Variants in SLAIN2 observed in about 807,000 individuals in gnomAD.
The protein encoded by SLAIN2 is SLAIN motif-containing protein 2.
In SLAIN2, 31 loss-of-function variants were observed where a neutral mutation model predicts 56.6. The ratio of observed to expected loss-of-function variants is 0.55; its 90% CI spans 0.41 to 0.74. The LOEUF (loss-of-function observed/expected upper bound fraction) is 0.74, where lower values mean the gene tolerates loss of function less well. Ranked by LOEUF, SLAIN2 falls within the 30% of genes least tolerant of loss-of-function variation. The pLI, the probability that SLAIN2 is intolerant of heterozygous loss-of-function variation, is 0.00. For missense variants in SLAIN2, 777 were observed against 754.2 expected (o/e 1.03, Z -0.35); for synonymous variants, 317 against 284.9 (o/e 1.11, Z -1.13).
chr4:48,376,901 G>A (rs1577721283), intron 2 of SLAIN2, among the ~76,000 whole-genome samples: 1 of 140,438 alleles, frequency 7.1e-6, no homozygotes, highest in African/African-American at 2.6e-5. Context: ...GTGAGCCACC[G>A]CGCCCGGCCG....
At chr4:48,377,216 T>G (rs1297410040) in intron 2 of SLAIN2, among the ~76,000 whole-genome samples, 2 of 151,766 alleles carry the variant, frequency 1.3e-5, no homozygotes, top group Non-Finnish European at 2.9e-5. Context: ...CGAGTCTCAC[T>G]CTGTCGCCCA....
At chr4:48,412,640 A>G (rs567948610) in intron 6 of SLAIN2, among the ~76,000 whole-genome samples, 40 of 152,294 alleles carry the variant, frequency 2.6e-4, no homozygotes, top group African/African-American at 9.6e-4. Context: ...GCATTCATAT[A>G]TATCTTTTTG....
chr4:48,382,238 A>ACT (rs1320982790), intron 4 of SLAIN2, among the ~76,000 whole-genome samples: 54 of 152,236 alleles, frequency 3.5e-4, no homozygotes, highest in East Asian at 1.7e-3. Flanking sequence ...CTTTAATATT[A>ACT]GTCTCAAATT....
chr4:48,358,728 AT>A (rs71191213), intron 1 of SLAIN2, among the ~76,000 whole-genome samples: 4 of 148,278 alleles, frequency 2.7e-5, no homozygotes, highest in Non-Finnish European at 6.0e-5. Flanking sequence ...ATTTATTTTT[AT>A]TTTTTTTTGA....
intron 1 of SLAIN2, among the ~76,000 whole-genome samples, chr4:48,361,855 G>A (rs190334453): frequency 6.6e-6 from 1 of 152,194 alleles, no homozygotes; most frequent in East Asian, 1.9e-4. Context: ...GCAGTGTTTT[G>A]TAGTTTGCAG....
intron 4 of SLAIN2, among the ~76,000 whole-genome samples, chr4:48,382,046 C>A (rs1303363679): frequency 6.6e-6 from 1 of 152,164 alleles, no homozygotes; most frequent in Admixed American, 6.5e-5. Flanking sequence ...GGTAGTGAAG[C>A]AATCAAGATT....
In SLAIN2 at chr4:48,349,129, ACTTCCT is replaced by A. The variant is rs1407976905; in HGVS notation, c.389+7006_389+7011del. On this transcript the variant is annotated intron_variant, in intron 1 of 7. Coordinates refer to ENST00000264313, the MANE Select transcript of SLAIN2 (RefSeq NM_020846.2). ...TTCTCCTGAATTTTTAACTTGGTTT[ACTTCCT>A]CTTCATTGTTAACCTATCACTGTTT... 6.6e-5 allele frequency among the ~76,000 whole-genome samples: 10 copies of A among 152,288 alleles called. No homozygotes were observed. In the South Asian group the frequency reaches 1.9e-3, roughly 28 times the overall value.
chr4:48,363,473 C>T lies in SLAIN2; in HGVS notation c.390-6376C>T, dbSNP rs1257457681. 9.0e-5 allele frequency among the ~76,000 whole-genome samples: 5 copies of T among 55,412 alleles called. 1 individual carries two copies. Among genetic ancestry groups the T allele is most frequent in the Admixed American group, 4.7e-4 (3 of 6,398 alleles). 36.4% of individuals were successfully genotyped at this position (55,412 alleles called of 152,430 possible). ...ACCCCCACCTACCTCCCGGACGGGGCGGCTGGCCGGACAGAGGGGCTCCTC... is the reference window on the plus strand; with the variant it reads ...ACCCCCACCTACCTCCCGGACGGGGTGGCTGGCCGGACAGAGGGGCTCCTC... On this transcript the variant is annotated intron_variant, in intron 1 of 7. Transcript: ENST00000264313.
At chr4:48,392,902 A>G (rs1480406010) in intron 6 of SLAIN2, among the ~76,000 whole-genome samples, 2 of 149,298 alleles carry the variant, frequency 1.3e-5, no homozygotes, top group Admixed American at 6.8e-5. Context: ...CCTACTGGAT[A>G]CATTATACCT....
intron 6 of SLAIN2, chr4:48,394,505 C>A: frequency 1.7e-6 from 2 of 1,182,144 alleles, no homozygotes; most frequent in Non-Finnish European, 2.4e-6. Context: ...TTAAAACATT[C>A]AAGTTTACAG....
chr4:48,409,127 A>C (rs1157575163), intron 6 of SLAIN2, among the ~76,000 whole-genome samples: 1 of 152,196 alleles, frequency 6.6e-6, no homozygotes. Flanking sequence ...GCAATGTGAA[A>C]TAATAACATC....
chr4:48,379,587 A>T (rs1363476648), intron 3 of SLAIN2, 103 bp from the exon 4 acceptor site: 1 of 992,902 alleles, frequency 1.0e-6, no homozygotes, highest in Non-Finnish European at 1.3e-6. Context: ...GCAGAACAAG[A>T]ATGAATTAAA....
intron 6 of SLAIN2, among the ~76,000 whole-genome samples, chr4:48,406,683 AT>A (rs1195761249): frequency 6.6e-6 from 1 of 151,972 alleles, no homozygotes; most frequent in Non-Finnish European, 1.5e-5. Context: ...CTCATCAGTC[AT>A]TTTTCTTGTC....
chr4:48,372,694 C>T (rs1273634635), intron 2 of SLAIN2, among the ~76,000 whole-genome samples: 1 of 152,134 alleles, frequency 6.6e-6, no homozygotes, highest in African/African-American at 2.4e-5. Context: ...ACTCTTGAAC[C>T]ATAACTAGGT....
chr4:48,404,419 C>CT (rs33922773), intron 6 of SLAIN2, among the ~76,000 whole-genome samples: 91,908 of 152,022 alleles, frequency 0.6, 28,092 homozygotes, highest in South Asian at 0.71. Flanking sequence ...TCATTATATC[C>CT]TTCCTCTTTG....
At position 48,425,566 on chromosome 4, in the gene SLAIN2, A is replaced by G. The variant is rs1717278336; in HGVS notation, c.*3489A>G. 1.3e-5 allele frequency: 2 copies of G among 152,176 alleles called. No homozygotes were observed. Among genetic ancestry groups the G allele is most frequent in the Non-Finnish European group, 2.9e-5 (2 of 68,002 alleles). 9.4% of individuals were successfully genotyped at this position (152,176 alleles called of 1,614,324 possible). ...TTACAATTAGAATAATTACAATTAAAATAATATTACATGTTACAATTAGAT... is the reference window on the plus strand; with the variant it reads ...TTACAATTAGAATAATTACAATTAAGATAATATTACATGTTACAATTAGAT... On this transcript the variant is annotated 3_prime_UTR_variant, in exon 8 of 8. Coordinates refer to ENST00000264313, the MANE Select transcript of SLAIN2 (RefSeq NM_020846.2).
intron 1 of SLAIN2, among the ~76,000 whole-genome samples, chr4:48,343,404 T>G (rs2109728467): frequency 6.6e-6 from 1 of 152,376 alleles, no homozygotes; most frequent in South Asian, 2.1e-4. Context: ...CTCTTAAGCC[T>G]AGTTACTTAA....
chr4:48,402,173 C>T (rs1465867337), intron 6 of SLAIN2, among the ~76,000 whole-genome samples: 1 of 151,588 alleles, frequency 6.6e-6, no homozygotes, highest in Admixed American at 6.6e-5. Flanking sequence ...TTGTAGGTGA[C>T]CTGGCCTTTG....
At chr4:48,380,272 T>G (rs1406822194) in intron 4 of SLAIN2, among the ~76,000 whole-genome samples, 1 of 152,076 alleles carries the variant, frequency 6.6e-6, no homozygotes, top group Non-Finnish European at 1.5e-5. Context: ...ACACTCCCCA[T>G]GAAATCTTAA....
Sources: allele counts gnomAD v4.1 joint callset (sites outside exome capture counted in the v4.1 genomes callset), GRCh38; gene constraint gnomAD v4.1.1; transcripts MANE v1.5; gene names NCBI Gene and HGNC (gene_info 2026-07-23, HGNC 2026-07-21).